DNAH14: variants seen among roughly 807,000 people sequenced by gnomAD.
DNAH14 encodes the protein axonemal beta dynein heavy chain 14.
A neutral mutation model predicts 520.9 loss-of-function variants in DNAH14; 478 were observed. The ratio of observed to expected loss-of-function variants is 0.92; its 90% CI spans 0.85 to 0.99. The LOEUF is 0.99. Among genes scored for constraint, DNAH14 ranks in the 50% least tolerant of loss-of-function variants. DNAH14 has a pLI of 0.00. For missense variants in DNAH14, 4,831 were observed against 5,234.5 expected, an observed-to-expected ratio of 0.92 and a Z score of 2.38; for synonymous variants, 1,581 against 1,757.2, an observed-to-expected ratio of 0.90 and a Z score of 2.51.
At chr1:225,251,186 T>G (rs1174692063) in intron 43 of DNAH14, among the ~76,000 whole-genome samples, 1 of 152,080 alleles carries the variant, frequency 6.6e-6, no homozygotes, top group Non-Finnish European at 1.5e-5. Flanking sequence ...ACTTTTTTTT[T>G]TTTTGAGATG....
chr1:225,144,624 C>T lies in DNAH14; in HGVS notation c.4736C>T (p.Ala1579Val), dbSNP rs1407363383. 18 of 1,548,648 alleles carry T rather than the reference C, an allele frequency of 1.2e-5. No homozygotes were observed. Among genetic ancestry groups the T allele is most frequent in the Non-Finnish European group, 1.5e-5 (17 of 1,145,094 alleles). Residue 1579 changes from alanine to valine, a missense_variant, in exon 29 of 86, where the codon GCA becomes GTA. Transcript: ENST00000682510. ...AAAACTGAGACTGTCAAAGATCTAG[C>T]AAAAGTAAGTGGTTTCTGTATCCAG... ...TGKTETVKDL[A>V]KSLGKHCVVF...
At chr1:225,131,440 G>C (rs1206123631) in intron 27 of DNAH14, among the ~76,000 whole-genome samples, 1 of 152,108 alleles carries the variant, frequency 6.6e-6, no homozygotes, top group African/African-American at 2.4e-5. Context: ...CATTTTCAAA[G>C]TCAGCAATGT....
intron 81 of DNAH14, among the ~76,000 whole-genome samples, chr1:225,387,434 G>C (rs1040781034): frequency 6.6e-6 from 1 of 151,932 alleles, no homozygotes; most frequent in Non-Finnish European, 1.5e-5. Context: ...ACAAGAGCAC[G>C]GGCTGCAAAG....
At chr1:225,312,367 A>G (rs1446485407) in intron 60 of DNAH14, among the ~76,000 whole-genome samples, 1 of 152,168 alleles carries the variant, frequency 6.6e-6, no homozygotes, top group Non-Finnish European at 1.5e-5. Flanking sequence ...GGTATTCTAA[A>G]TATACAATCA....
intron 64 of DNAH14, among the ~76,000 whole-genome samples, chr1:225,330,918 A>AAT (rs924546129): frequency 2.6e-5 from 4 of 151,646 alleles, no homozygotes; most frequent in Non-Finnish European, 5.9e-5. Context: ...GTGCCCCCTA[A>AAT]ATATATATAT....
chr1:225,129,540 G>C (rs1256038911), intron 27 of DNAH14, among the ~76,000 whole-genome samples: 2 of 152,012 alleles, frequency 1.3e-5, no homozygotes, highest in African/African-American at 4.8e-5. Flanking sequence ...TGATCTTTGA[G>C]AAACCTGATA....
chr1:225,318,950 G>A (rs956655820), intron 61 of DNAH14, among the ~76,000 whole-genome samples: 2 of 152,152 alleles, frequency 1.3e-5, no homozygotes, highest in African/African-American at 4.8e-5. Flanking sequence ...ACACTGTGAT[G>A]TGCTGTTTGT....
At chr1:225,377,557 C>G in intron 79 of DNAH14, 121 bp downstream of exon 79, 1 of 926,200 alleles carries the variant, frequency 1.1e-6, no homozygotes, top group East Asian at 2.8e-5. Context: ...CTCAGGAGTT[C>G]GAGACCACTC....
At chr1:225,293,955 G>A (rs2093950774) in intron 55 of DNAH14, among the ~76,000 whole-genome samples, 2 of 151,900 alleles carry the variant, frequency 1.3e-5, no homozygotes, top group South Asian at 4.1e-4. Context: ...AATTGCTTTG[G>A]CTAGAATTTC....
At chr1:225,313,635 G>A (rs568068572) in intron 60 of DNAH14, among the ~76,000 whole-genome samples, 9 of 152,154 alleles carry the variant, frequency 5.9e-5, no homozygotes, top group Admixed American at 2.6e-4. Flanking sequence ...ATTCCGGTAC[G>A]TTGTGTCTTT....
chr1:225,089,888 C>T (rs1384146968), intron 21 of DNAH14, among the ~76,000 whole-genome samples: 1 of 152,018 alleles, frequency 6.6e-6, no homozygotes, highest in Non-Finnish European at 1.5e-5. Flanking sequence ...AACGCTTTTC[C>T]CCTAAGATCA....
chr1:225,300,594 G>T (rs190561508), intron 55 of DNAH14, among the ~76,000 whole-genome samples: 3 of 152,128 alleles, frequency 2.0e-5, no homozygotes, highest in Admixed American at 1.3e-4. Context: ...CTAGCTATTT[G>T]GGAGGGTGAG....
intron 17 of DNAH14, among the ~76,000 whole-genome samples, chr1:225,060,419 T>C (rs540035280): frequency 6.6e-6 from 1 of 152,092 alleles, no homozygotes; most frequent in African/African-American, 2.4e-5. Context: ...ATTTGTCTAA[T>C]TTTTTTTCAA....
Position 225,289,906 on chromosome 1 carries a change from A to G in DNAH14, c.8293A>G (p.Lys2765Glu), listed in dbSNP as rs562128290. ...AAAGATTGGAATAGATGGATGTGGG[A>G]AAAAAACATGTGCAACCTTGGCCTG... is the stretch of plus-strand genomic sequence containing the variant. The part of the protein sequence containing the change: ...MLLIGIDGCG[K>E]KTCATLACYL... The change falls in exon 55 of 86, where the codon AAA (lysine) becomes GAA (glutamate). Residue 2765 changes from lysine to glutamate, a missense_variant. Coordinates refer to ENST00000682510, the MANE Select transcript of DNAH14 (RefSeq NM_001367479.1). The G allele has an allele frequency of 1.0e-4, 145 of 1,431,364 alleles. No homozygotes were observed. Among genetic ancestry groups the G allele is most frequent in the Non-Finnish European group, 1.2e-4 (125 of 1,082,790 alleles). 88.7% of individuals were successfully genotyped at this position (1,431,364 alleles called of 1,614,324 possible). A position where few individuals can be genotyped will look rare whatever the true frequency, so the allele number is the denominator to read the frequency against.
At chr1:225,191,025 T>C (rs1287226407) in intron 37 of DNAH14, among the ~76,000 whole-genome samples, 2 of 152,010 alleles carry the variant, frequency 1.3e-5, no homozygotes, top group Non-Finnish European at 2.9e-5. Flanking sequence ...ATATATTGTG[T>C]ACCCATTAAT....
intron 27 of DNAH14, among the ~76,000 whole-genome samples, chr1:225,137,430 A>G (rs12071270): frequency 0.13 from 19,145 of 152,100 alleles, 3,721 homozygotes; most frequent in African/African-American, 0.42. Flanking sequence ...ATCTCAGCTC[A>G]CTGCAAACTC....
At chr1:225,105,267 C>T (rs1056330873) in intron 23 of DNAH14, among the ~76,000 whole-genome samples, 13 of 152,120 alleles carry the variant, frequency 8.5e-5, no homozygotes, top group Non-Finnish European at 1.5e-4. Flanking sequence ...GTTATAATTT[C>T]TGATCTTTTA....
intron 46 of DNAH14, among the ~76,000 whole-genome samples, chr1:225,260,987 G>C (rs1202653344): frequency 6.6e-6 from 1 of 152,110 alleles, no homozygotes; most frequent in African/African-American, 2.4e-5. Context: ...TGTATGTTGA[G>C]TTTGTATATC....
intron 79 of DNAH14, among the ~76,000 whole-genome samples, chr1:225,379,948 T>C (rs191782205): frequency 4.7e-4 from 72 of 152,328 alleles, no homozygotes; most frequent in African/African-American, 1.6e-3. Context: ...TCTCAAACAT[T>C]TATCCTTTGT....
Sources: gnomAD v4.1 joint callset for allele counts (sites outside exome capture counted in the v4.1 genomes callset) on GRCh38, gnomAD v4.1.1 for gene constraint, MANE v1.5 for transcripts, NCBI Gene and HGNC (gene_info 2026-07-23, HGNC 2026-07-21) for gene names.